The following CTNNA2 variants were observed in gnomAD, a reference collection of about 807,000 sequenced individuals.
CTNNA2 encodes catenin alpha 2, also known as catenin alpha-2.
A neutral mutation model predicts 101.0 loss-of-function variants in CTNNA2; 42 were observed. The ratio of observed to expected loss-of-function variants is 0.42; its 90% CI spans 0.32 to 0.54. The LOEUF (loss-of-function observed/expected upper bound fraction) is 0.54, where lower values mean the gene tolerates loss of function less well. Among genes scored for constraint, CTNNA2 ranks in the 20% least tolerant of loss-of-function variants. The probability of loss-of-function intolerance (pLI) is 0.14; values close to 1 mark genes in which losing one functional copy is unlikely to be tolerated. For synonymous variants in CTNNA2, 450 were observed against 456.4 expected, an observed-to-expected ratio of 0.99 and a Z score of 0.18; for missense variants, 871 against 1,223.1, an observed-to-expected ratio of 0.71 and a Z score of 4.29.
chr2:80,559,216 A>G (rs916398476), intron 12 of CTNNA2, among the ~76,000 whole-genome samples: 1 of 152,218 alleles, frequency 6.6e-6, no homozygotes, highest in African/African-American at 2.4e-5. Flanking sequence ...GAGCCCATGT[A>G]CTGTGGACAT....
intron 13 of CTNNA2, 116 bp from the exon 14 acceptor site, chr2:80,581,590 T>C (rs1695548952): frequency 3.0e-6 from 2 of 677,108 alleles, no homozygotes; most frequent in Non-Finnish European, 5.4e-6. Flanking sequence ...GTGGGTGCTA[T>C]GTAGGATGCT....
chr2:79,768,823 CT>C lies in CTNNA2; in HGVS notation c.298+24245del, dbSNP rs542128443. 4.0e-3 allele frequency among the ~76,000 whole-genome samples: 606 copies of C among 152,152 alleles called. 6 individuals are homozygous for C. The highest frequency in any genetic ancestry group is 5.8e-3 in the Non-Finnish European group (397 of 68,020). ...GTAGCCAGTAAGAGTCCAGCTCAAC[CT>C]TTTGTGAAAAGCAGTTTGTGTGACT... is the stretch of plus-strand genomic sequence containing the variant. On this transcript the variant is annotated intron_variant, in intron 3 of 18. Coordinates refer to ENST00000402739, the MANE Select transcript of CTNNA2 (RefSeq NM_001282597.3).
chr2:80,243,385 A>G (rs1296301065), intron 7 of CTNNA2, among the ~76,000 whole-genome samples: 1 of 152,012 alleles, frequency 6.6e-6, no homozygotes, highest in African/African-American at 2.4e-5. Flanking sequence ...GAAAAGATCC[A>G]TGACGCCCTA....
At chr2:79,416,563 T>C (rs1678485351) in intron 4 of CTNNA2, among the ~76,000 whole-genome samples, 1 of 152,082 alleles carries the variant, frequency 6.6e-6, no homozygotes, top group Non-Finnish European at 1.5e-5. Flanking sequence ...TCCCACCCCA[T>C]GTAATTTCAA....
intron 3 of CTNNA2, among the ~76,000 whole-genome samples, chr2:79,841,727 G>A (rs2103846627): frequency 6.6e-6 from 1 of 152,300 alleles, no homozygotes; most frequent in South Asian, 2.1e-4. Context: ...CAGTCTTAAT[G>A]AAGAAACATT....
chr2:79,204,565 T>C (rs562571267), intron 2 of CTNNA2, among the ~76,000 whole-genome samples: 1 of 152,348 alleles, frequency 6.6e-6, no homozygotes, highest in African/African-American at 2.4e-5. Flanking sequence ...TTTTAAAATA[T>C]GTCCATAATT....
At chr2:79,964,858 CA>C (rs954306038) in intron 7 of CTNNA2, among the ~76,000 whole-genome samples, 1 of 152,140 alleles carries the variant, frequency 6.6e-6, no homozygotes. Context: ...CATGATAACC[CA>C]GGGATCCCCT....
At chr2:80,428,839 A>AAAAC (rs1393025879) in intron 9 of CTNNA2, among the ~76,000 whole-genome samples, 23 of 152,168 alleles carry the variant, frequency 1.5e-4, no homozygotes, top group African/African-American at 5.3e-4. Flanking sequence ...AAAACAAAAC[A>AAAAC]AAACAACAAC....
intron 7 of CTNNA2, among the ~76,000 whole-genome samples, chr2:80,199,183 A>G (rs948340285): frequency 1.2e-4 from 4 of 33,548 alleles, no homozygotes; most frequent in African/African-American, 6.3e-4. Flanking sequence ...TCCATCTCAG[A>G]AAAAAAAAAA....
intron 3 of CTNNA2, among the ~76,000 whole-genome samples, chr2:79,839,366 C>G (rs959100591): frequency 6.6e-5 from 10 of 151,922 alleles, no homozygotes; most frequent in Non-Finnish European, 7.4e-5. Context: ...TTTGAATTCT[C>G]CAGTTTTACT....
chr2:80,030,408 A>T lies in CTNNA2; in HGVS notation c.1056+120611A>T, dbSNP rs575066846. ...GAACTCAAATTTCTTGATTATCCTG[A>T]CTTGATTTTCCTTGACACTGAGTAG... On this transcript the variant is annotated intron_variant, in intron 7 of 18. Transcript: ENST00000402739. The T allele has an allele frequency of 3.3e-5, 5 of 152,238 alleles. No individual in the cohort carries two copies. In the South Asian group the frequency reaches 1.0e-3, roughly 32 times the overall value. 9.4% of individuals were successfully genotyped at this position (152,238 alleles called of 1,614,324 possible).
At chr2:80,358,880 T>C (rs1674108696) in intron 7 of CTNNA2, among the ~76,000 whole-genome samples, 1 of 149,900 alleles carries the variant, frequency 6.7e-6, no homozygotes, top group African/African-American at 2.4e-5. Context: ...CTTCACCCAT[T>C]AAAAAAAAAC....
intron 2 of CTNNA2, among the ~76,000 whole-genome samples, chr2:79,251,954 G>A (rs1172879347): frequency 6.6e-6 from 1 of 152,222 alleles, no homozygotes; most frequent in East Asian, 1.9e-4. Context: ...AAATATGATG[G>A]AAGTGGTCTG....
chr2:79,521,181 C>T (rs1307379053), intron 1 of CTNNA2, among the ~76,000 whole-genome samples: 5 of 126,850 alleles, frequency 3.9e-5, no homozygotes, highest in African/African-American at 6.0e-5. Flanking sequence ...TTTTAAGGTG[C>T]GCTATTTAAT....
chr2:80,342,826 A>G (rs1672362345), intron 7 of CTNNA2, among the ~76,000 whole-genome samples: 1 of 152,206 alleles, frequency 6.6e-6, no homozygotes, highest in Non-Finnish European at 1.5e-5. Flanking sequence ...TGGGTAGCTT[A>G]AACAACAGAA....
At chr2:79,286,758 T>A (rs1675602415) in intron 2 of CTNNA2, among the ~76,000 whole-genome samples, 1 of 152,072 alleles carries the variant, frequency 6.6e-6, no homozygotes, top group African/African-American at 2.4e-5. Context: ...TCGAGGAGTA[T>A]CTTTGTGGCG....
At chr2:79,587,465 C>T (rs1676571072) in intron 1 of CTNNA2, among the ~76,000 whole-genome samples, 1 of 152,120 alleles carries the variant, frequency 6.6e-6, no homozygotes, top group Admixed American at 6.6e-5. Flanking sequence ...CCCATGCACA[C>T]TTCCTTTCTT....
intron 18 of CTNNA2, among the ~76,000 whole-genome samples, chr2:80,646,586 A>G (rs1245798275): frequency 6.6e-6 from 1 of 151,956 alleles, no homozygotes; most frequent in Non-Finnish European, 1.5e-5. Flanking sequence ...ACATTGAGAC[A>G]TAACCCCAGC....
At chr2:80,427,922 A>G (rs768696920) in intron 9 of CTNNA2, among the ~76,000 whole-genome samples, 9 of 152,250 alleles carry the variant, frequency 5.9e-5, no homozygotes, top group Non-Finnish European at 1.0e-4. Context: ...CTTGGGAAAG[A>G]TAAGAAAGGG....
Sources: allele counts gnomAD v4.1 joint callset (sites outside exome capture counted in the v4.1 genomes callset), GRCh38; gene constraint gnomAD v4.1.1; transcripts MANE v1.5; gene names NCBI Gene and HGNC (gene_info 2026-07-23, HGNC 2026-07-21).